Variants in SYNPO observed in about 807,000 individuals in gnomAD.
The protein encoded by SYNPO is synaptopodin.
In SYNPO, 19 loss-of-function variants were observed where a neutral mutation model predicts 49.5. The observed-to-expected ratio is 0.38, with a 90% CI of 0.27 to 0.56. The LOEUF (loss-of-function observed/expected upper bound fraction) is 0.56. Ranked by LOEUF, SYNPO falls within the 20% of genes least tolerant of loss-of-function variation. The probability of loss-of-function intolerance (pLI) is 0.68; values close to 1 mark genes in which losing one functional copy is unlikely to be tolerated. For synonymous variants in SYNPO, 536 were observed against 548.0 expected, an observed-to-expected ratio of 0.98 and a Z score of 0.31; for missense variants, 1,131 against 1,248.3, an observed-to-expected ratio of 0.91 and a Z score of 1.42.
At position 150,659,038 on chromosome 5, in the gene SYNPO, G is replaced by A. The variant is rs1330778751; in HGVS notation, c.*1951G>A. 1 of 152,388 alleles carries A rather than the reference G, an allele frequency of 6.6e-6. No homozygotes were observed. The highest frequency in any genetic ancestry group is 1.5e-5 in the Non-Finnish European group (1 of 68,058). The allele number at this position is 152,388 out of a possible 1,614,324, so 9.4% of individuals were successfully genotyped here. On this transcript the variant is annotated 3_prime_UTR_variant, in exon 3 of 3. Transcript: ENST00000307662. ...TCTACCTGCATTTCCCAGAGGACTA[G>A]CAGGAGGCAGCCTTGAGAAACCGGC...
intron 2 of SYNPO, among the ~76,000 whole-genome samples, chr5:150,621,132 T>C (rs944824959): frequency 1.3e-5 from 2 of 151,932 alleles, no homozygotes; most frequent in Non-Finnish European, 2.9e-5. Flanking sequence ...TTTGTATTTT[T>C]AGTAGAGATG....
intron 1 of SYNPO, chr5:150,601,278 G>C (rs1756533200): frequency 6.6e-6 from 1 of 152,428 alleles, no homozygotes; most frequent in African/African-American, 2.4e-5. Context: ...AGGAGTGGGG[G>C]TGGAGGTGGC....
In SYNPO at chr5:150,648,309, C is replaced by T. The variant is rs1168499497; in HGVS notation, c.34C>T (p.Arg12Trp). Residue 12 changes from arginine to tryptophan, a missense_variant, in exon 2 of 3, where the codon CGG (arginine) becomes TGG (tryptophan). By Grantham distance (101) the Arg-to-Trp change is moderately radical. Coordinates refer to ENST00000307662, the MANE Select transcript of SYNPO (RefSeq NM_007286.6). This position sits in a 1 kb window ranked among gnomAD's most constrained non-coding sequence, Gnocchi z 5.0. ...GTACTCAGAGGAGGCTAGCTTGCTGCGGCACCTGGAGAAGGTGGCCAGTGA... is the reference window on the plus strand; with the variant it reads ...GTACTCAGAGGAGGCTAGCTTGCTGTGGCACCTGGAGAAGGTGGCCAGTGA... ...EGYSEEASLL[R>W]HLEKVASEEE... is the part of the protein sequence containing the mutation. 3.1e-6 allele frequency: 5 copies of T among 1,614,166 alleles called. No individual in the cohort carries two copies. Among genetic ancestry groups the T allele is most frequent in the African/African-American group, 2.7e-5 (2 of 75,038 alleles).
rs527749865 is a variant in SYNPO, at chr5:150,630,496, G to A, written c.400+11729G>A. On this transcript the variant is annotated intron_variant, in intron 2 of 2. Coordinates refer to the SYNPO transcript ENST00000394243. ...AGCCAGGACATTATTCCCAATATGGGGCCCTTTGGGAGGGCACATGGAGTT... is the reference window on the plus strand; with the variant it reads ...AGCCAGGACATTATTCCCAATATGGAGCCCTTTGGGAGGGCACATGGAGTT... Among the ~76,000 whole-genome samples the A allele has an allele frequency of 5.3e-5, 8 of 152,288 alleles. No homozygotes were observed. The East Asian group carries it at 1.4e-3, about 26-fold the overall frequency.
chr5:150,654,827 C>T (rs1758502172), intron 2 of SYNPO, among the ~76,000 whole-genome samples: 1 of 152,170 alleles, frequency 6.6e-6, no homozygotes. Context: ...TCCCTAAGTC[C>T]AACTTTAATA....
rs1348983277 is a variant in SYNPO, at chr5:150,649,204, G to A, written c.929G>A (p.Arg310His). The A allele has an allele frequency of 7.4e-6, 12 of 1,613,968 alleles. 1 individual carries two copies. The African/African-American group carries it at 1.1e-4, about 14-fold the overall frequency. ...CAGCGAAGCCCGGCCTCAGAGAGACGCCCCTTGGGGAACTTCACTGCACCC... is the reference window on the plus strand; with the variant it reads ...CAGCGAAGCCCGGCCTCAGAGAGACACCCCTTGGGGAACTTCACTGCACCC... ...MGQRSPASER[R>H]PLGNFTAPPT... The change falls in exon 2 of 3, where the codon CGC becomes CAC. Residue 310 changes from arginine (R) to histidine (H), a missense_variant. By Grantham distance (29) the Arg-to-His change is conservative (BLOSUM62 0). Coordinates refer to ENST00000307662, the MANE Select transcript of SYNPO (RefSeq NM_007286.6).
chr5:150,640,750 T>C lies in SYNPO; in HGVS notation c.-437T>C. The C allele has an allele frequency of 1.0e-6, 1 of 985,634 alleles. No individual in the cohort carries two copies. Among genetic ancestry groups the C allele is most frequent in the Non-Finnish European group, 1.2e-6 (1 of 829,944 alleles). 61.1% of individuals were successfully genotyped at this position (985,634 alleles called of 1,614,324 possible). ...CCGATGTGGGATTTTCCTGGCTTCG[T>C]CAGCCAAGCAATTGGCTGCCTTTGC... is the stretch of plus-strand genomic sequence containing the variant. On this transcript the variant is annotated 5_prime_UTR_variant, in exon 1 of 3. Coordinates refer to ENST00000307662, the MANE Select transcript of SYNPO (RefSeq NM_007286.6).
intron 2 of SYNPO, chr5:150,624,911 AGT>A (rs977237353): frequency 1.0e-6 from 1 of 985,346 alleles, no homozygotes; most frequent in Non-Finnish European, 1.2e-6. Context: ...GCTGGAGGTG[AGT>A]GAGGGGCGCT....
intron 1 of SYNPO, among the ~76,000 whole-genome samples, chr5:150,609,790 G>GGGC (rs1554107089): frequency 6.6e-5 from 10 of 151,640 alleles, no homozygotes; most frequent in African/African-American, 9.7e-5. Context: ...ATGTGGCGGG[G>GGGC]GGGGGCAGTG....
At chr5:150,613,265 C>T (rs1395430996) in intron 1 of SYNPO, among the ~76,000 whole-genome samples, 1 of 152,110 alleles carries the variant, frequency 6.6e-6, no homozygotes, top group African/African-American at 2.4e-5. Context: ...CCGTGTAGGG[C>T]TGCCCACCCC....
At chr5:150,653,116 A>T (rs1758446458) in intron 2 of SYNPO, 1 of 152,208 alleles carries the variant, frequency 6.6e-6, no homozygotes, top group South Asian at 2.1e-4. Context: ...CACCCACCGC[A>T]TTCCCAAGGA....
intron 1 of SYNPO, among the ~76,000 whole-genome samples, chr5:150,641,132 C>T (rs991267990): frequency 2.0e-5 from 3 of 152,212 alleles, no homozygotes; most frequent in South Asian, 2.1e-4. Flanking sequence ...AGTCAGATTG[C>T]GCTCGCCATG....
At chr5:150,617,910 G>A (rs997308011) in intron 1 of SYNPO, among the ~76,000 whole-genome samples, 26 of 152,210 alleles carry the variant, frequency 1.7e-4, no homozygotes, top group African/African-American at 5.6e-4. Context: ...CAGGTAGCAT[G>A]AGGATGTGGT....
intron 2 of SYNPO, chr5:150,652,459 G>A (rs1418120205): frequency 3.4e-5 from 33 of 962,552 alleles, no homozygotes; most frequent in Non-Finnish European, 4.1e-5. Context: ...GTGTGGCTGT[G>A]TCCTGCGTGC....
chr5:150,612,365 C>T (rs141583335), intron 1 of SYNPO, among the ~76,000 whole-genome samples: 65 of 152,334 alleles, frequency 4.3e-4, no homozygotes, highest in African/African-American at 1.5e-3. Flanking sequence ...ATATATATTA[C>T]GCATCTACAA....
At chr5:150,611,602 G>T (rs1377548354) in intron 1 of SYNPO, among the ~76,000 whole-genome samples, 1 of 152,202 alleles carries the variant, frequency 6.6e-6, no homozygotes, top group Non-Finnish European at 1.5e-5. Flanking sequence ...GCCCCAGGAG[G>T]TGGGCAGAAA....
At chr5:150,655,477 C>G (rs1266676068) in intron 2 of SYNPO, among the ~76,000 whole-genome samples, 1 of 152,208 alleles carries the variant, frequency 6.6e-6, no homozygotes, top group Non-Finnish European at 1.5e-5. Context: ...TCCCTCCCAG[C>G]TCCTCTCCCT....
chr5:150,630,704 C>T (rs1404116744), intron 2 of SYNPO, among the ~76,000 whole-genome samples: 1 of 152,172 alleles, frequency 6.6e-6, no homozygotes, highest in African/African-American at 2.4e-5. Flanking sequence ...TGCTCCCATC[C>T]ACCCTCTCCT....
At chr5:150,613,737 C>T (rs1169881597) in intron 1 of SYNPO, among the ~76,000 whole-genome samples, 1 of 152,198 alleles carries the variant, frequency 6.6e-6, no homozygotes, top group Non-Finnish European at 1.5e-5. Flanking sequence ...CTGCTTCTCC[C>T]TTCTCCGCCC....
Sources: gnomAD v4.1 joint callset for allele counts (sites outside exome capture counted in the v4.1 genomes callset) on GRCh38, gnomAD v4.1.1 for gene constraint, Gnocchi (gnomAD v3.1) non-coding constraint, MANE v1.5 for transcripts, NCBI Gene and HGNC (gene_info 2026-07-23, HGNC 2026-07-21) for gene names.